Variants in KLRG1 observed in about 807,000 individuals in gnomAD.
KLRG1 encodes the protein killer cell lectin like receptor G1, also known as killer cell lectin-like receptor subfamily G member 1.
In KLRG1, 16 loss-of-function variants were observed where a neutral mutation model predicts 21.8. The ratio of observed to expected loss-of-function variants is 0.73; its 90% CI spans 0.50 to 1.11. KLRG1 has a LOEUF of 1.11. KLRG1 is among the 50% of genes most tolerant of loss of function. The probability of loss-of-function intolerance (pLI) is 0.00; values close to 1 mark genes in which losing one functional copy is unlikely to be tolerated. For synonymous variants in KLRG1, 69 were observed against 75.9 expected (o/e 0.91, Z 0.47); for missense variants, 173 against 218.3 (o/e 0.79, Z 1.31).
the KLRG1 span, among the ~76,000 whole-genome samples, chr12:9,124,184 G>A: frequency 1.4e-3 from 210 of 152,244 alleles, 1 homozygote; most frequent in East Asian, 4.4e-3. Flanking sequence ...GAGGATTCTC[G>A]GGGCAAACGG....
the KLRG1 span, chr12:9,170,230 T>C: frequency 6.6e-6 from 1 of 152,086 alleles, no homozygotes; most frequent in Non-Finnish European, 1.5e-5. This position sits in a 1 kb window ranked among gnomAD's most constrained non-coding sequence, Gnocchi z 4.6. Context: ...GGTGAGTGAT[T>C]GTGCGACCTC....
At chr12:8,984,787 C>G (rs191301310), upstream of KLRG1, among the ~76,000 whole-genome samples, 26 of 152,172 alleles carry the variant, frequency 1.7e-4, no homozygotes, top group East Asian at 3.9e-3. Flanking sequence ...TGATCCATGG[C>G]CCATATATTC....
chr12:9,074,000 A>G, the KLRG1 span, among the ~76,000 whole-genome samples: 107 of 151,654 alleles, frequency 7.1e-4, no homozygotes, highest in Non-Finnish European at 9.6e-4. Context: ...AGGCACTAGA[A>G]TCGCTTGAAC....
At chr12:8,955,907 C>T (rs974270323) in intron 1 of KLRG1, among the ~76,000 whole-genome samples, 2 of 152,044 alleles carry the variant, frequency 1.3e-5, no homozygotes, top group African/African-American at 4.8e-5. Context: ...AGTGAGAACT[C>T]CCGCAATGCC....
chr12:9,158,356 C>T, the KLRG1 span: 3 of 1,579,208 alleles, frequency 1.9e-6, no homozygotes, highest in African/African-American at 4.0e-5. Context: ...CTCCTTCCTC[C>T]CTTCACCCCT....
chr12:9,007,181 A>G (rs1345002221), intron 3 of KLRG1, among the ~76,000 whole-genome samples: 2 of 152,216 alleles, frequency 1.3e-5, no homozygotes, highest in Admixed American at 1.3e-4. Flanking sequence ...TATTCTGACC[A>G]TGAGAAATAG....
intron 2 of KLRG1, 80 bp from the exon 3 acceptor site, chr12:8,995,039 C>T (rs1947088006): frequency 5.3e-6 from 7 of 1,326,232 alleles, no homozygotes; most frequent in African/African-American, 3.0e-5. Context: ...CCAGGGCTGC[C>T]ATATTCCATT....
chr12:9,005,006 C>G (rs143661964), intron 3 of KLRG1, among the ~76,000 whole-genome samples: 2 of 152,064 alleles, frequency 1.3e-5, no homozygotes, highest in Admixed American at 1.3e-4. Context: ...GATATGTTCA[C>G]TCTCATATGT....
chr12:9,083,996 A>T, the KLRG1 span, among the ~76,000 whole-genome samples: 3 of 152,208 alleles, frequency 2.0e-5, no homozygotes, highest in Non-Finnish European at 2.9e-5. Flanking sequence ...TTTAGCAGTA[A>T]CCCGGCAGGC....
At chr12:9,131,270 C>T in the KLRG1 span, among the ~76,000 whole-genome samples, 7 of 152,030 alleles carry the variant, frequency 4.6e-5, no homozygotes, top group African/African-American at 7.3e-5. Flanking sequence ...TCAGATTCCT[C>T]GAGATTCCGT....
At chr12:9,175,372 T>C in the KLRG1 span, among the ~76,000 whole-genome samples, 1 of 152,192 alleles carries the variant, frequency 6.6e-6, no homozygotes, top group African/African-American at 2.4e-5. Context: ...GAAGAAAATC[T>C]AGGCAATACC....
the KLRG1 span, among the ~76,000 whole-genome samples, chr12:9,103,083 G>A: frequency 6.6e-6 from 1 of 152,080 alleles, no homozygotes; most frequent in Non-Finnish European, 1.5e-5. Flanking sequence ...CAGGTCATCT[G>A]GAGAAAATTA....
At chr12:9,043,801 A>T in the KLRG1 span, among the ~76,000 whole-genome samples, 1 of 152,244 alleles carries the variant, frequency 6.6e-6, no homozygotes, top group Non-Finnish European at 1.5e-5. Flanking sequence ...GAAATCTTGC[A>T]GCTTCTTCCT....
At chr12:9,069,587 T>C in the KLRG1 span, among the ~76,000 whole-genome samples, 4 of 152,194 alleles carry the variant, frequency 2.6e-5, no homozygotes, top group Middle Eastern at 3.2e-3. Flanking sequence ...TGGTGAAATA[T>C]AAATAAAGGA....
the KLRG1 span, among the ~76,000 whole-genome samples, chr12:9,126,153 G>A: frequency 2.6e-5 from 4 of 152,300 alleles, no homozygotes; most frequent in Non-Finnish European, 4.4e-5. Flanking sequence ...ACTGTTAGGA[G>A]CAAAAGTATG....
chr12:8,954,127 A>G (rs764752358), intron 1 of KLRG1, among the ~76,000 whole-genome samples: 14 of 152,320 alleles, frequency 9.2e-5, no homozygotes, highest in Non-Finnish European at 1.8e-4. Flanking sequence ...TTTATCTTGT[A>G]GCATTCAGCA....
chr12:9,074,796 A>C, the KLRG1 span: 2 of 1,594,822 alleles, frequency 1.3e-6, no homozygotes, highest in Non-Finnish European at 8.5e-7. Flanking sequence ...TAAAGATGAG[A>C]AAAAGATATT....
chr12:9,104,482 G>T, the KLRG1 span: 3 of 1,417,352 alleles, frequency 2.1e-6, no homozygotes, highest in Non-Finnish European at 2.9e-6. Context: ...ATTTTTTAGT[G>T]CCTCCTCTAT....
the KLRG1 span, chr12:9,127,956 C>G: frequency 3.1e-5 from 10 of 326,308 alleles, no homozygotes; most frequent in African/African-American, 2.2e-4. Context: ...GATTGTCTTG[C>G]AGATTGACAC....
Sources: allele counts gnomAD v4.1 joint callset (sites outside exome capture counted in the v4.1 genomes callset), GRCh38; gene constraint gnomAD v4.1.1; non-coding constraint Gnocchi (gnomAD v3.1); transcripts MANE v1.5; gene names NCBI Gene and HGNC (gene_info 2026-07-23, HGNC 2026-07-21).